The following SCUBE3 variants were observed in gnomAD, a reference collection of about 807,000 sequenced individuals.
SCUBE3 encodes the protein signal peptide, CUB and EGF-like domain-containing protein 3.
A neutral mutation model predicts 116.8 loss-of-function variants in SCUBE3; 33 were observed. The ratio of observed to expected loss-of-function variants is 0.28; its 90% confidence interval spans 0.21 to 0.38. The LOEUF (loss-of-function observed/expected upper bound fraction) is 0.38, where lower values mean the gene tolerates loss of function less well. SCUBE3 is among the 10% of genes least tolerant of loss of function. The probability of loss-of-function intolerance (pLI) is 1.00; values close to 1 mark genes in which losing one functional copy is unlikely to be tolerated. For missense variants in SCUBE3, 1,007 were observed against 1,324.8 expected (o/e 0.76, Z 3.72); for synonymous variants, 418 against 496.9 (o/e 0.84, Z 2.11).
At chr6:35,220,528 T>A (rs934451358) in intron 1 of SCUBE3, 1 of 152,224 alleles carries the variant, frequency 6.6e-6, no homozygotes, top group Non-Finnish European at 1.5e-5. Context: ...AAGTCTCTGA[T>A]TCATGGTTGT....
rs1483627725 is a variant in SCUBE3 at position 35,219,708 on chromosome 6, G to A, written c.85+5205G>A. ...AGGATATGTGGGCATTGGGGGGAGGGCTGGGGAAGGGGAGTGCTTGAAGGG... is the reference window on the plus strand; with the variant it reads ...AGGATATGTGGGCATTGGGGGGAGGACTGGGGAAGGGGAGTGCTTGAAGGG... On this transcript the variant is annotated intron_variant, in intron 1 of 21. Transcript: ENST00000274938. This position sits in a 1 kb window ranked among gnomAD's most constrained non-coding sequence, Gnocchi z 4.7. Among the ~76,000 whole-genome samples the A allele has an allele frequency of 3.3e-5, 5 of 152,252 alleles. No homozygotes were observed. The highest frequency in any genetic ancestry group is 5.9e-5 in the Non-Finnish European group (4 of 68,006).
At chr6:35,246,506 C>T (rs76753012) in intron 21 of SCUBE3, among the ~76,000 whole-genome samples, 61 of 152,212 alleles carry the variant, frequency 4.0e-4, no homozygotes, top group Non-Finnish European at 7.2e-4. Flanking sequence ...CAAGCCTATC[C>T]GACTGCAGCG....
In SCUBE3 at chr6:35,232,606, G is replaced by T. The variant is rs1055053996; in HGVS notation, c.470-244G>T. Among the ~76,000 whole-genome samples the T allele has an allele frequency of 6.6e-6, 1 of 152,142 alleles. No homozygotes were observed. The highest frequency in any genetic ancestry group is 2.1e-4 in the South Asian group (1 of 4,828). On this transcript the variant is annotated intron_variant, in intron 4 of 21. Coordinates refer to ENST00000274938, the MANE Select transcript of SCUBE3 (RefSeq NM_152753.4). The surrounding 1 kb of genome is among the most constrained non-coding windows in gnomAD (Gnocchi z 4.2). ...TGTTTAAAGGAAAGGGTGATCATTC[G>T]TTGGGATGAGTATCAATAGCTAGCT... is the stretch of plus-strand genomic sequence containing the variant.
At position 35,231,951 on chromosome 6, in the gene SCUBE3, T is replaced by C. The variant is rs1783571007; in HGVS notation, c.469+92T>C. The C allele has an allele frequency of 1.8e-6, 2 of 1,095,382 alleles. No individual in the cohort carries two copies. The highest frequency in any genetic ancestry group is 3.1e-5 in the African/African-American group (2 of 64,216). The allele number at this position is 1,095,382 out of a possible 1,614,324, so 67.9% of individuals were successfully genotyped here. ...AGCAGCCCCTAAGTCTCACCCTCCATTCTCAACTCAGCTAGCTCCTTCTTC... is the reference window on the plus strand; with the variant it reads ...AGCAGCCCCTAAGTCTCACCCTCCACTCTCAACTCAGCTAGCTCCTTCTTC... On this transcript the variant is annotated intron_variant, in intron 4 of 21. Transcript: ENST00000274938. The surrounding 1 kb of genome is among the most constrained non-coding windows in gnomAD (Gnocchi z 4.2).
At position 35,240,553 on chromosome 6, in the gene SCUBE3, A is replaced by C. The variant is rs1783992925; in HGVS notation, c.1069+63A>C. The C allele has an allele frequency of 1.3e-6, 1 of 792,854 alleles. No homozygotes were observed. Among genetic ancestry groups the C allele is most frequent in the Non-Finnish European group, 2.1e-6 (1 of 479,160 alleles). The allele number at this position is 792,854 out of a possible 1,614,324, so 49.1% of individuals were successfully genotyped here. A position where few individuals can be genotyped will look rare whatever the true frequency, so the allele number is the denominator to read the frequency against. ...CCCTCACCTCTTCACCCTCCAATTG[A>C]ACAGGTCCTTGTGTTGGCTTGTGGC... On this transcript the variant is annotated intron_variant, in intron 9 of 21. Transcript: ENST00000274938. This position sits in a 1 kb window ranked among gnomAD's most constrained non-coding sequence, Gnocchi z 4.6.
In SCUBE3 at chr6:35,241,642, G is replaced by C; in HGVS notation, c.1295G>C (p.Arg432Thr). The change falls in exon 11 of 22, where the codon AGG (arginine) becomes ACG (threonine). Residue 432 changes from arginine (R) to threonine (T), a missense_variant. By Grantham distance (71) the Arg-to-Thr change is moderately conservative. Coordinates refer to ENST00000274938, the MANE Select transcript of SCUBE3 (RefSeq NM_152753.4). This position sits in a 1 kb window ranked among gnomAD's most constrained non-coding sequence, Gnocchi z 4.1. ...KDTCALTCPS[R>T]ARFLPESENG... Reference sequence around the variant, plus strand: ...ACCTGTGCCCTGACCTGTCCCTCCAGGGCCCGATTTTTGCCAGGTACATGG... The same window carrying C: ...ACCTGTGCCCTGACCTGTCCCTCCACGGCCCGATTTTTGCCAGGTACATGG... 1 of 1,613,594 alleles carries C rather than the reference G, an allele frequency of 6.2e-7. No individual in the cohort carries two copies.
chr6:35,232,836 T>C lies in SCUBE3; in HGVS notation c.470-14T>C, dbSNP rs776902501. The C allele has an allele frequency of 2.0e-5, 32 of 1,613,836 alleles. No homozygotes were observed. Among genetic ancestry groups the C allele is most frequent in the Non-Finnish European group, 2.6e-5 (31 of 1,179,874 alleles). On this transcript the variant is annotated splice_polypyrimidine_tract_variant and intron_variant, in intron 4 of 21. Transcript: ENST00000274938. The surrounding 1 kb of genome is among the most constrained non-coding windows in gnomAD (Gnocchi z 4.2). Reference sequence around the variant, plus strand: ...AGGGGTACAGAGCATTCACACCCCTTTCTTCTCTTTTAGAAGGAATGAATT... The same window carrying C: ...AGGGGTACAGAGCATTCACACCCCTCTCTTCTCTTTTAGAAGGAATGAATT...
chr6:35,243,209 G>C lies in SCUBE3; in HGVS notation c.1882G>C (p.Gly628Arg), dbSNP rs756887936. 6.2e-7 allele frequency: 1 copy of C among 1,613,904 alleles called. No individual in the cohort carries two copies. The highest frequency in any genetic ancestry group is 1.3e-5 in the African/African-American group (1 of 74,942). ...AGAGCCGATGGAGTCCTGTAGGCCCGGGCAGCACCGTGCTGGGACCAAGTG... is the reference window on the plus strand; with the variant it reads ...AGAGCCGATGGAGTCCTGTAGGCCCCGGCAGCACCGTGCTGGGACCAAGTG... ...RAEPMESCRP[G>R]QHRAGTKCVS... is the part of the protein sequence containing the mutation. The change falls in exon 15 of 22, where the codon GGG (glycine) becomes CGG (arginine). Residue 628 changes from glycine to arginine, a missense_variant. Coordinates refer to ENST00000274938, the MANE Select transcript of SCUBE3 (RefSeq NM_152753.4). This position sits in a 1 kb window ranked among gnomAD's most constrained non-coding sequence, Gnocchi z 6.6.
chr6:35,227,318 A>G (rs1013015047), intron 1 of SCUBE3, among the ~76,000 whole-genome samples: 1 of 152,238 alleles, frequency 6.6e-6, no homozygotes, highest in African/African-American at 2.4e-5. Context: ...TTCAAATAAA[A>G]AAAGGAGTGT....
rs753157685 is a variant in SCUBE3 at position 35,248,581 on chromosome 6, T to C, written c.2858T>C (p.Phe953Ser). The C allele has an allele frequency of 4.3e-6, 7 of 1,614,086 alleles. No homozygotes were observed. Among genetic ancestry groups the C allele is most frequent in the Non-Finnish European group, 5.9e-6 (7 of 1,179,986 alleles). Residue 953 changes from phenylalanine to serine, a missense_variant, in exon 22 of 22, where the codon TTT (phenylalanine) becomes TCT (serine). Transcript: ENST00000274938. ...GACAAGAAGCTCATCAAGGCCTTCTTTGAGGTGCTAGCCCACCCCCAGAAC... is the reference window on the plus strand; with the variant it reads ...GACAAGAAGCTCATCAAGGCCTTCTCTGAGGTGCTAGCCCACCCCCAGAAC... Reference protein sequence around the residue: ...LKDKKLIKAFFEVLAHPQNYF... With the variant: ...LKDKKLIKAFSEVLAHPQNYF...
chr6:35,237,055 C>A (rs1005353499), intron 6 of SCUBE3, among the ~76,000 whole-genome samples: 57 of 152,168 alleles, frequency 3.7e-4, no homozygotes, highest in African/African-American at 1.4e-3. Flanking sequence ...TAAGAGGGAG[C>A]AGCATAAGAG....
chr6:35,242,125 C>G (rs1424988519), intron 12 of SCUBE3, 79 bp from the exon 13 acceptor site: 1 of 1,075,820 alleles, frequency 9.3e-7, no homozygotes, highest in East Asian at 2.4e-5. Context: ...GCTTATTACC[C>G]AGCTTCTCAA....
chr6:35,232,741 A>G lies in SCUBE3; in HGVS notation c.470-109A>G, dbSNP rs1050074078. On this transcript the variant is annotated intron_variant, in intron 4 of 21. Transcript: ENST00000274938. The surrounding 1 kb of genome is among the most constrained non-coding windows in gnomAD (Gnocchi z 4.2). ...AGTCAGTCCCCTCGTGTTGAATTCA[A>G]CCTCAGTAGAATTCTCCCAGTTCCC... 4 of 1,109,178 alleles carry G rather than the reference A, an allele frequency of 3.6e-6. No individual in the cohort carries two copies. In the African/African-American group the frequency reaches 6.2e-5, roughly 17 times the overall value. 68.7% of individuals were successfully genotyped at this position (1,109,178 alleles called of 1,614,324 possible).
chr6:35,244,780 T>C lies in SCUBE3; in HGVS notation c.2370T>C (p.Phe790=). 6.2e-7 allele frequency: 1 copy of C among 1,614,246 alleles called. No homozygotes were observed. Among genetic ancestry groups the C allele is most frequent in the Non-Finnish European group, 8.5e-7 (1 of 1,180,054 alleles). ...GTCCAGGAAACACAAGCACAGACTTTGATGGCTCTACCAGTGTGGCCCAAT... is the reference window on the plus strand; with the variant it reads ...GTCCAGGAAACACAAGCACAGACTTCGATGGCTCTACCAGTGTGGCCCAAT... ...SRCPGNTSTD[F]DGSTSVAQCK... Residue 790 remains phenylalanine, a synonymous_variant, in exon 18 of 22, where the codon TTT becomes TTC. Transcript: ENST00000274938. The surrounding 1 kb of genome is among the most constrained non-coding windows in gnomAD (Gnocchi z 4.3).
rs974991620 is a variant in SCUBE3 at position 35,239,316 on chromosome 6, C to T, written c.830-436C>T. ...TTAGACCCTCCACCTCTCCTTGCCC[C>T]GCACCCCCCCAACCCCCCGTCCTGA... On this transcript the variant is annotated intron_variant, in intron 7 of 21. Transcript: ENST00000274938. This position sits in a 1 kb window ranked among gnomAD's most constrained non-coding sequence, Gnocchi z 4.1. Among the ~76,000 whole-genome samples the T allele has an allele frequency of 6.6e-6, 1 of 151,960 alleles. No individual in the cohort carries two copies. The highest frequency in any genetic ancestry group is 1.5e-5 in the Non-Finnish European group (1 of 67,992).
chr6:35,250,563 A>C lies in SCUBE3; in HGVS notation c.*1858A>C, dbSNP rs1323214256. ...GAAAGAATCAAATGGAAGAAGAATC[A>C]AGTCCATGCCCAAGCCCAAAGCCTG... On this transcript the variant is annotated 3_prime_UTR_variant, in exon 22 of 22. Transcript: ENST00000274938. 2 of 152,192 alleles carry C rather than the reference A, an allele frequency of 1.3e-5. No homozygotes were observed. Among genetic ancestry groups the C allele is most frequent in the Non-Finnish European group, 2.9e-5 (2 of 68,034 alleles). 9.4% of individuals were successfully genotyped at this position (152,192 alleles called of 1,614,324 possible). A position where few individuals can be genotyped will look rare whatever the true frequency, so the allele number is the denominator to read the frequency against.
In SCUBE3 at chr6:35,243,562, G is replaced by A. The variant is rs372539312; in HGVS notation, c.1910-32G>A. The A allele has an allele frequency of 3.2e-6, 5 of 1,544,682 alleles. No homozygotes were observed. In the African/African-American group the frequency reaches 4.1e-5, roughly 13 times the overall value. The stretch of plus-strand genomic sequence containing the variant: ...GGCCTGGGTGGTGGGAAATGCGGGG[G>A]TGGGTGGCTAGCGCGGCCGACTCTC... On this transcript the variant is annotated intron_variant, in intron 15 of 21. Coordinates refer to ENST00000274938, the MANE Select transcript of SCUBE3 (RefSeq NM_152753.4). This position sits in a 1 kb window ranked among gnomAD's most constrained non-coding sequence, Gnocchi z 6.6.
Position 35,248,709 on chromosome 6 carries a change from C to A in SCUBE3, c.*4C>A, listed in dbSNP as rs1784449223. ...CTTCCTGAGGCCCTACAAATAGTAA[C>A]CCTAGGCTCAGAGACCCAATTTTTT... On this transcript the variant is annotated 3_prime_UTR_variant, in exon 22 of 22. Coordinates refer to ENST00000274938, the MANE Select transcript of SCUBE3 (RefSeq NM_152753.4). 1.2e-6 allele frequency: 2 copies of A among 1,613,470 alleles called. No individual in the cohort carries two copies. Among genetic ancestry groups the A allele is most frequent in the Non-Finnish European group, 1.7e-6 (2 of 1,179,766 alleles).
In SCUBE3 at chr6:35,231,698, A is replaced by G. The variant is rs755432172; in HGVS notation, c.335-27A>G. 1.3e-6 allele frequency: 2 copies of G among 1,585,926 alleles called. No individual in the cohort carries two copies. Among genetic ancestry groups the G allele is most frequent in the South Asian group, 2.3e-5 (2 of 88,826 alleles). On this transcript the variant is annotated intron_variant, in intron 3 of 21. Transcript: ENST00000274938. The surrounding 1 kb of genome is among the most constrained non-coding windows in gnomAD (Gnocchi z 4.2). ...CCCTGGACCCTGCCTGTACCCCATGACCCCACTGACTACCTATCCTGCACA... is the reference window on the plus strand; with the variant it reads ...CCCTGGACCCTGCCTGTACCCCATGGCCCCACTGACTACCTATCCTGCACA...
Sources: gnomAD v4.1 joint callset for allele counts (sites outside exome capture counted in the v4.1 genomes callset) on GRCh38, gnomAD v4.1.1 for gene constraint, Gnocchi (gnomAD v3.1) non-coding constraint, MANE v1.5 for transcripts, NCBI Gene and HGNC (gene_info 2026-07-23, HGNC 2026-07-21) for gene names.